Variants in RSRP1 observed in about 807,000 individuals in gnomAD.
RSRP1 encodes the protein arginine and serine rich protein 1.
RSRP1 carries 37 observed loss-of-function variants against 33.0 expected under a neutral mutation model. The observed-to-expected ratio is 1.12, with a 90% CI of 0.86 to 1.48. RSRP1 has a LOEUF of 1.48. RSRP1 is among the 40% of genes most tolerant of loss of function. The pLI is 0.00. For missense variants in RSRP1, 402 were observed against 385.3 expected, an observed-to-expected ratio of 1.04 and a Z score of -0.36; for synonymous variants, 167 against 158.7, an observed-to-expected ratio of 1.05 and a Z score of -0.40.
chr1:25,252,479 T>C (rs1217257564), intron 1 of RSRP1, among the ~76,000 whole-genome samples: 1 of 151,348 alleles, frequency 6.6e-6, no homozygotes, highest in East Asian at 1.9e-4. Flanking sequence ...CACTGGTCCA[T>C]GCACAGAGAA....
At chr1:25,322,467 GTTCGAGACCA>G (rs1481624371) in intron 1 of RSRP1, among the ~76,000 whole-genome samples, 1 of 132,956 alleles carries the variant, frequency 7.5e-6, no homozygotes, top group Non-Finnish European at 1.8e-5. Context: ...GAGGCCAGGA[GTTCGAGACCA>G]GCCTGGCCAA....
In RSRP1 at chr1:25,290,751, C is replaced by A. The variant is rs775336070; in HGVS notation, c.-66-43722G>T. On this transcript the variant is annotated intron_variant, in intron 1 of 1. Coordinates refer to the RSRP1 transcript ENST00000561867. ...GTGATGGTGCTGGTGGAGGTGACAG[C>A]TTTAGGCAACCTGAGGATGGTCATC... is the stretch of plus-strand genomic sequence containing the variant. The A allele has an allele frequency of 1.4e-5, 19 of 1,377,234 alleles. 1 individual carries two copies. Among genetic ancestry groups the A allele is most frequent in the Middle Eastern group, 1.8e-4 (1 of 5,516 alleles). 85.3% of individuals were successfully genotyped at this position (1,377,234 alleles called of 1,614,324 possible). A position where few individuals can be genotyped will look rare whatever the true frequency, so the allele number is the denominator to read the frequency against.
intron 3 of RSRP1, chr1:25,244,373 C>T: frequency 7.8e-7 from 1 of 1,289,130 alleles, no homozygotes; most frequent in Non-Finnish European, 1.0e-6. Flanking sequence ...CATGGATCTA[C>T]CAACAAAAAA....
chr1:25,306,803 T>G (rs1255125208), intron 1 of RSRP1: 1 of 1,274,566 alleles, frequency 7.8e-7, no homozygotes, highest in Admixed American at 1.8e-5. Context: ...GCAGAGTCCT[T>G]AGCTGGGGCG....
chr1:25,336,912 C>G (rs1056115046), intron 1 of RSRP1: 5 of 151,914 alleles, frequency 3.3e-5, no homozygotes, highest in Non-Finnish European at 7.3e-5. Context: ...CAAAAAAACC[C>G]AAAGGGATGA....
At position 25,301,431 on chromosome 1, in the gene RSRP1, A is replaced by G. The variant is rs1289742654; in HGVS notation, c.-67+36547T>C. ...CTAAGTGACAAGGCTGAGACTCTCC[A>G]GCCCTAGGATTCTCATCCAAAACCC... On this transcript the variant is annotated intron_variant, in intron 1 of 1. Transcript: ENST00000561867. 3.4e-6 allele frequency: 4 copies of G among 1,168,366 alleles called. No homozygotes were observed. In the South Asian group the frequency reaches 3.7e-5, roughly 11 times the overall value. 72.4% of individuals were successfully genotyped at this position (1,168,366 alleles called of 1,614,324 possible).
rs2427763 is a variant in RSRP1 at position 25,314,931 on chromosome 1, G to A, written c.-67+23047C>T. Among the ~76,000 whole-genome samples the A allele has an allele frequency of 1.2e-3, 162 of 130,670 alleles. 36 individuals carry two copies. The Middle Eastern group carries it at 0.038, about 31-fold the overall frequency. 85.7% of individuals were successfully genotyped at this position (130,670 alleles called of 152,430 possible). On this transcript the variant is annotated intron_variant, in intron 1 of 1. Coordinates refer to the RSRP1 transcript ENST00000561867. ...CTTTTTAAGAATTTTTGCAGCCAGC[G>A]CGGTGGCTCACACCTGTAATCCCAG...
chr1:25,258,683 TAAA>T (rs1391470983), intron 1 of RSRP1, among the ~76,000 whole-genome samples: 1 of 152,206 alleles, frequency 6.6e-6, no homozygotes, highest in Non-Finnish European at 1.5e-5. Context: ...CTTTATGTAA[TAAA>T]AACTCATTTA....
In RSRP1 at chr1:25,260,007, C is replaced by A. The variant is rs115509885; in HGVS notation, c.-66-12978G>T. On this transcript the variant is annotated intron_variant, in intron 1 of 1. Transcript: ENST00000561867. ...TCTGTGCACTGATTGTATACGCATCCCAAGATTATATTATTGTTTTCTATT... is the reference window on the plus strand; with the variant it reads ...TCTGTGCACTGATTGTATACGCATCACAAGATTATATTATTGTTTTCTATT... Among the ~76,000 whole-genome samples the A allele has an allele frequency of 3.4e-3, 521 of 151,854 alleles. 4 individuals carry two copies. The highest frequency in any genetic ancestry group is 0.012 in the African/African-American group (501 of 41,446).
chr1:25,255,924 C>T (rs879270978), intron 1 of RSRP1, among the ~76,000 whole-genome samples: 5 of 152,076 alleles, frequency 3.3e-5, no homozygotes, highest in African/African-American at 9.7e-5. Context: ...AAGCTTCACT[C>T]GCCCACCGCC....
chr1:25,283,350 G>A lies in RSRP1; in HGVS notation c.-66-36321C>T, dbSNP rs1292983101. On this transcript the variant is annotated intron_variant, in intron 1 of 1. Coordinates refer to the RSRP1 transcript ENST00000561867. Reference sequence around the variant, plus strand: ...GTTCGAGACCAGCTTGGCCAACATAGCGAAACCCCTTCTCTATTAAAAATA... The same window carrying A: ...GTTCGAGACCAGCTTGGCCAACATAACGAAACCCCTTCTCTATTAAAAATA... Among the ~76,000 whole-genome samples the A allele has an allele frequency of 8.4e-5, 11 of 131,346 alleles. 3 individuals carry two copies. The highest frequency in any genetic ancestry group is 2.0e-4 in the Non-Finnish European group (11 of 55,576). 86.2% of individuals were successfully genotyped at this position (131,346 alleles called of 152,430 possible).
intron 1 of RSRP1, among the ~76,000 whole-genome samples, chr1:25,306,377 G>T (rs1643836468): frequency 7.6e-6 from 1 of 131,726 alleles, no homozygotes; most frequent in African/African-American, 2.6e-5. Flanking sequence ...TGTTAGAAAT[G>T]CTGTTAGACC....
In RSRP1 at chr1:25,271,260, A is replaced by G. The variant is rs563948412; in HGVS notation, c.-66-24231T>C. On this transcript the variant is annotated intron_variant, in intron 1 of 1. Coordinates refer to the RSRP1 transcript ENST00000561867. ...CTCTGGGTCTTGGTTTCTTGGTCTA[A>G]AAACAAAATGACAGGATTCGACTGG... Among the ~76,000 whole-genome samples, 33 of 131,152 alleles carry G rather than the reference A, an allele frequency of 2.5e-4. 1 individual carries two copies. Among genetic ancestry groups the G allele is most frequent in the African/African-American group, 8.6e-4 (33 of 38,394 alleles). 86.0% of individuals were successfully genotyped at this position (131,152 alleles called of 152,430 possible). A position where few individuals can be genotyped will look rare whatever the true frequency, so the allele number is the denominator to read the frequency against.
At chr1:25,248,712 T>C (rs1639667160), upstream of RSRP1, among the ~76,000 whole-genome samples, 1 of 152,206 alleles carries the variant, frequency 6.6e-6, no homozygotes, top group African/African-American at 2.4e-5. Flanking sequence ...TCTCCGCAGT[T>C]CATCCACATC....
chr1:25,311,597 G>A (rs1468969904), intron 1 of RSRP1, among the ~76,000 whole-genome samples: 1 of 130,180 alleles, frequency 7.7e-6, no homozygotes, highest in African/African-American at 2.6e-5. Flanking sequence ...ATCAGGACAA[G>A]GGAGAAAAAC....
chr1:25,252,388 C>A (rs1245573687), upstream of RSRP1, among the ~76,000 whole-genome samples: 2 of 151,932 alleles, frequency 1.3e-5, no homozygotes, highest in African/African-American at 2.4e-5. Context: ...GAAAAAAAAA[C>A]AATCAGCATA....
chr1:25,286,167 G>A (rs114723195), intron 1 of RSRP1, among the ~76,000 whole-genome samples: 2,794 of 135,010 alleles, frequency 0.021, 429 homozygotes, highest in African/African-American at 0.066. Flanking sequence ...GCCCTGGAGG[G>A]AAAAAACTTT....
chr1:25,257,197 C>T (rs1639976014), intron 1 of RSRP1, among the ~76,000 whole-genome samples: 1 of 152,170 alleles, frequency 6.6e-6, no homozygotes, highest in African/African-American at 2.4e-5. Flanking sequence ...ACAGGTTTTC[C>T]TCCAATTATA....
rs888176593 is a variant in RSRP1 at position 25,247,337 on chromosome 1, TGAGA to T, written c.-99_-96del. On this transcript the variant is annotated 5_prime_UTR_variant, in exon 1 of 5. Transcript: ENST00000243189. ...ACGCCGTCGACGCCTCCCTCACGAC[TGAGA>T]GAAAGGCTCAACAGACGCCTTCCTT... 7 of 230,284 alleles carry T rather than the reference TGAGA, an allele frequency of 3.0e-5. No individual in the cohort carries two copies. Among genetic ancestry groups the T allele is most frequent in the Non-Finnish European group, 3.4e-5 (4 of 118,512 alleles). The allele number at this position is 230,284 out of a possible 1,614,324, so 14.3% of individuals were successfully genotyped here.
Sources: allele counts gnomAD v4.1 joint callset (sites outside exome capture counted in the v4.1 genomes callset), GRCh38; gene constraint gnomAD v4.1.1; transcripts MANE v1.5; gene names NCBI Gene and HGNC (gene_info 2026-07-23, HGNC 2026-07-21).